Variants in ITPRID2 observed in about 807,000 individuals in gnomAD.
ITPRID2 encodes the protein protein ITPRID2.
In ITPRID2, 60 loss-of-function variants were observed where a neutral mutation model predicts 124.3. The ratio of observed to expected loss-of-function variants is 0.48; its 90% CI spans 0.39 to 0.60. The LOEUF is 0.60. ITPRID2 is among the 20% of genes least tolerant of loss of function. ITPRID2 has a pLI of 0.00. For synonymous variants in ITPRID2, 521 were observed against 542.9 expected (o/e 0.96, Z 0.56); for missense variants, 1,553 against 1,512.2 (o/e 1.03, Z -0.45).
chr2:181,907,277 G>A lies in ITPRID2; in HGVS notation c.1414-2622G>A, dbSNP rs1693211663. On this transcript the variant is annotated intron_variant, in intron 8 of 17. Coordinates refer to ENST00000431877, the MANE Select transcript of ITPRID2 (RefSeq NM_001130445.3). This position sits in a 1 kb window ranked among gnomAD's most constrained non-coding sequence, Gnocchi z 5.1. ...TTTTAAACAAGAGAAAGAAACCAAA[G>A]TGAGTGCCTGTCATTTTAGCAGAAC... 6.6e-6 allele frequency among the ~76,000 whole-genome samples: 1 copy of A among 152,132 alleles called. No homozygotes were observed. Among genetic ancestry groups the A allele is most frequent in the South Asian group, 2.1e-4 (1 of 4,820 alleles).
At position 181,892,272 on chromosome 2, in the gene ITPRID2, G is replaced by A. The variant is rs560220325; in HGVS notation, c.206G>A (p.Gly69Glu). The A allele has an allele frequency of 1.9e-6, 3 of 1,547,102 alleles. No homozygotes were observed. Among genetic ancestry groups the A allele is most frequent in the Admixed American group, 2.0e-5 (1 of 50,926 alleles). ...GGCGCGCAGCTGCCGGCAGCGGGGG[G>A]AAGAGGTCGGTGCTCCCGGCCGGGC... ...LPGAQLPAAG[G>E]RGNVPNEKIA... Residue 69 changes from glycine to glutamate, a missense_variant, in exon 1 of 18, where the codon GGA (glycine) becomes GAA (glutamate). Gly to Glu is a moderately conservative substitution (Grantham distance 98). Transcript: ENST00000431877. The surrounding 1 kb of genome is among the most constrained non-coding windows in gnomAD (Gnocchi z 5.2).
In ITPRID2 at chr2:181,901,972, G is replaced by C; in HGVS notation, c.919G>C (p.Asp307His). The change falls in exon 8 of 18, where the codon GAT becomes CAT. Residue 307 changes from aspartate to histidine, a missense_variant. Asp to His is a moderately conservative substitution (Grantham distance 81, BLOSUM62 -1). Coordinates refer to ENST00000431877, the MANE Select transcript of ITPRID2 (RefSeq NM_001130445.3). The stretch of plus-strand genomic sequence containing the variant: ...ACTCTCAAAACTGAATTTATGTGTT[G>C]ATAAAACAGAGAAAGGAGAAAGTAG... ...KTLSKLNLCV[D>H]KTEKGESSSP... is the part of the protein sequence containing the mutation. 2 of 1,613,770 alleles carry C rather than the reference G, an allele frequency of 1.2e-6. No homozygotes were observed. Among genetic ancestry groups the C allele is most frequent in the Middle Eastern group, 1.6e-4 (1 of 6,062 alleles).
intron 9 of ITPRID2, among the ~76,000 whole-genome samples, chr2:181,913,375 G>T (rs1167888235): frequency 6.6e-6 from 1 of 152,120 alleles, no homozygotes; most frequent in Non-Finnish European, 1.5e-5. Flanking sequence ...CCCTAACTGT[G>T]TTTTTTAAAT....
Position 181,892,030 on chromosome 2 carries a change from A to G in ITPRID2, c.-37A>G, listed in dbSNP as rs1194696225. On this transcript the variant is annotated 5_prime_UTR_variant, in exon 1 of 18. Transcript: ENST00000431877. This position sits in a 1 kb window ranked among gnomAD's most constrained non-coding sequence, Gnocchi z 5.2. ...TCCCTGCCGCCGCCTTGTCTCGCGCAGGGTCCGGCTGGGGTAGCGGAGCCC... is the reference window on the plus strand; with the variant it reads ...TCCCTGCCGCCGCCTTGTCTCGCGCGGGGTCCGGCTGGGGTAGCGGAGCCC... The G allele has an allele frequency of 3.2e-6, 5 of 1,539,974 alleles. No individual in the cohort carries two copies. The highest frequency in any genetic ancestry group is 3.5e-6 in the Non-Finnish European group (4 of 1,142,014).
rs760054483 is a variant in ITPRID2, at chr2:181,892,704, C to T, written c.257+44C>T. 6.2e-6 allele frequency: 10 copies of T among 1,611,398 alleles called. No homozygotes were observed. Among genetic ancestry groups the T allele is most frequent in the Non-Finnish European group, 8.5e-6 (10 of 1,178,158 alleles). ...GCCCGCGTCCCGGGGGAGATCCGTG[C>T]GGACGGGACGCCGGAGCAGAGCCAC... On this transcript the variant is annotated intron_variant, in intron 2 of 17. Coordinates refer to ENST00000431877, the MANE Select transcript of ITPRID2 (RefSeq NM_001130445.3). This position sits in a 1 kb window ranked among gnomAD's most constrained non-coding sequence, Gnocchi z 5.2.
intron 16 of ITPRID2, among the ~76,000 whole-genome samples, chr2:181,927,104 A>G (rs1694921090): frequency 6.6e-6 from 1 of 152,220 alleles, no homozygotes; most frequent in African/African-American, 2.4e-5. Flanking sequence ...TCTTTAAATA[A>G]CTATGTATAA....
intron 15 of ITPRID2, among the ~76,000 whole-genome samples, chr2:181,921,660 C>T (rs747119166): frequency 2.6e-5 from 4 of 152,100 alleles, no homozygotes; most frequent in Non-Finnish European, 5.9e-5. Context: ...AACTATTTTT[C>T]ACTAGTTACT....
intron 16 of ITPRID2, among the ~76,000 whole-genome samples, chr2:181,922,722 A>C (rs1282790967): frequency 2.0e-5 from 3 of 152,244 alleles, no homozygotes; most frequent in African/African-American, 7.2e-5. Flanking sequence ...CCACATCTAC[A>C]AAATGAGGAT....
In ITPRID2 at chr2:181,918,784, G is replaced by A. The variant is rs767113158; in HGVS notation, c.2895G>A (p.Arg965=). ...CTTTTCAGGAGCTCCAGGTAATGAGGCGGAGCCTGAATTTGTTTAGAACAC... is the reference window on the plus strand; with the variant it reads ...CTTTTCAGGAGCTCCAGGTAATGAGACGGAGCCTGAATTTGTTTAGAACAC... ...ENTFQELQVM[R]RSLNLFRTQM... is the part of the protein sequence containing the mutation. The change falls in exon 13 of 18, where the codon AGG becomes AGA. Residue 965 remains arginine, a synonymous_variant. Transcript: ENST00000431877. The A allele has an allele frequency of 5.0e-6, 8 of 1,614,130 alleles. No homozygotes were observed. In the East Asian group the frequency reaches 1.1e-4, roughly 22 times the overall value.
rs1384625551 is a variant in ITPRID2, at chr2:181,901,992, AAGT to A, written c.946_948del (p.Ser316del). On this transcript the variant is annotated inframe_deletion, in exon 8 of 18. Transcript: ENST00000431877. Reference sequence around the variant, plus strand: ...GTGTTGATAAAACAGAGAAAGGAGAAAGTAGTAGTCCTTCTCCATCAGCTGAAA... The same window carrying A: ...GTGTTGATAAAACAGAGAAAGGAGAAAGTAGTCCTTCTCCATCAGCTGAAA... 4 of 1,613,948 alleles carry A rather than the reference AAGT, an allele frequency of 2.5e-6. No individual in the cohort carries two copies. The highest frequency in any genetic ancestry group is 2.5e-6 in the Non-Finnish European group (3 of 1,179,918).
At position 181,900,916 on chromosome 2, in the gene ITPRID2, A is replaced by C. The variant is rs530207663; in HGVS notation, c.712+12A>C. 3.8e-5 allele frequency: 61 copies of C among 1,593,898 alleles called. No individual in the cohort carries two copies. The East Asian group carries it at 1.2e-3, about 32-fold the overall frequency. On this transcript the variant is annotated intron_variant, in intron 7 of 17. Coordinates refer to ENST00000431877, the MANE Select transcript of ITPRID2 (RefSeq NM_001130445.3). ...TTATGCTTTAACAAGTAAGATTTTT[A>C]AGTGTTAGGCATATTATTTTCTTAA...
At position 181,909,932 on chromosome 2, in the gene ITPRID2, C is replaced by G. The variant is rs760533406; in HGVS notation, c.1447C>G (p.Pro483Ala). ...TACGGAGGGAGAAGCTCCTCATGTTCCAGCCACTTACCAGCTAGGTCTTAC... is the reference window on the plus strand; with the variant it reads ...TACGGAGGGAGAAGCTCCTCATGTTGCAGCCACTTACCAGCTAGGTCTTAC... ...QSTEGEAPHV[P>A]ATYQLGLTKS... Residue 483 changes from proline (P) to alanine (A), a missense_variant, in exon 9 of 18, where the codon CCA (proline) becomes GCA (alanine). Coordinates refer to ENST00000431877, the MANE Select transcript of ITPRID2 (RefSeq NM_001130445.3). 1 of 1,613,276 alleles carries G rather than the reference C, an allele frequency of 6.2e-7. No individual in the cohort carries two copies. The highest frequency in any genetic ancestry group is 1.1e-5 in the South Asian group (1 of 91,022).
At chr2:181,918,198 C>A in intron 11 of ITPRID2, 1 of 591,592 alleles carries the variant, frequency 1.7e-6, no homozygotes, top group Non-Finnish European at 2.1e-6. Flanking sequence ...ATAGGAAATG[C>A]TAAGATGTCT....
rs1489403956 is a variant in ITPRID2 at position 181,922,064 on chromosome 2, A to G, written c.3327A>G (p.Ala1109=). The change falls in exon 16 of 18, where the codon GCA becomes GCG. Residue 1109 remains alanine (A), a synonymous_variant. Transcript: ENST00000431877. The part of the protein sequence containing the change: ...GESSESVFSQ[A]TSESSSVCSG... Reference sequence around the variant, plus strand: ...GCTCAGAATCTGTTTTTTCCCAAGCAACATCAGAATCATCTTCTGTATGTT... The same window carrying G: ...GCTCAGAATCTGTTTTTTCCCAAGCGACATCAGAATCATCTTCTGTATGTT... 1.2e-6 allele frequency: 2 copies of G among 1,614,124 alleles called. No homozygotes were observed. The highest frequency in any genetic ancestry group is 2.7e-5 in the African/African-American group (2 of 74,946).
rs1559017993 is a variant in ITPRID2 at position 181,922,251 on chromosome 2, T to C, written c.3514T>C (p.Leu1172=). 1 of 1,614,124 alleles carries C rather than the reference T, an allele frequency of 6.2e-7. No homozygotes were observed. The highest frequency in any genetic ancestry group is 8.5e-7 in the Non-Finnish European group (1 of 1,180,008). Residue 1172 remains leucine, a synonymous_variant, in exon 16 of 18, where the codon TTG becomes CTG. Coordinates refer to ENST00000431877, the MANE Select transcript of ITPRID2 (RefSeq NM_001130445.3). ...RTGSVQTPPD[L]ESSEEVDAAE... ...AGGCTCTGTGCAGACACCTCCAGAT[T>C]TGGAAAGTTCTGAGGAAGTTGATGC...
chr2:181,922,153 A>G lies in ITPRID2; in HGVS notation c.3416A>G (p.Lys1139Arg). The change falls in exon 16 of 18, where the codon AAA becomes AGA. Residue 1139 changes from lysine (K) to arginine (R), a missense_variant. Lys to Arg is a conservative substitution (Grantham distance 26). Coordinates refer to ENST00000431877, the MANE Select transcript of ITPRID2 (RefSeq NM_001130445.3). ...VPSTASVGKS[K>R]TPLVARKKVF... ...TCTACTGCCTCAGTGGGCAAATCCA[A>G]AACCCCATTAGTGGCAAGGAAGAAA... The G allele has an allele frequency of 6.2e-7, 1 of 1,614,234 alleles. No individual in the cohort carries two copies. Among genetic ancestry groups the G allele is most frequent in the Non-Finnish European group, 8.5e-7 (1 of 1,180,038 alleles).
At chr2:181,904,227 C>T (rs1692909820) in intron 8 of ITPRID2, among the ~76,000 whole-genome samples, 1 of 151,730 alleles carries the variant, frequency 6.6e-6, no homozygotes, top group African/African-American at 2.4e-5. Flanking sequence ...TTTTTTGCCC[C>T]CTCTACTGGC....
At chr2:181,927,746 T>C (rs1694965172) in intron 16 of ITPRID2, among the ~76,000 whole-genome samples, 1 of 152,230 alleles carries the variant, frequency 6.6e-6, no homozygotes, top group South Asian at 2.1e-4. Context: ...TATACTATTT[T>C]GCCTCTAAAA....
chr2:181,917,005 G>T, intron 11 of ITPRID2: 1 of 985,330 alleles, frequency 1.0e-6, no homozygotes, highest in Non-Finnish European at 1.2e-6. Flanking sequence ...TAACAAATCA[G>T]GTAAAGTGTG....
Sources: gnomAD v4.1 joint callset for allele counts (sites outside exome capture counted in the v4.1 genomes callset) on GRCh38, gnomAD v4.1.1 for gene constraint, Gnocchi (gnomAD v3.1) non-coding constraint, MANE v1.5 for transcripts, NCBI Gene and HGNC (gene_info 2026-07-23, HGNC 2026-07-21) for gene names.